Variants in MYH10 observed in about 807,000 individuals in gnomAD.
MYH10 encodes the protein myosin-10.
Under a neutral mutation model 257.8 loss-of-function variants are expected in MYH10, and 55 were observed. That is an observed-to-expected ratio of 0.21 (90% CI 0.17 to 0.27). MYH10 has a LOEUF of 0.27. Ranked by LOEUF, MYH10 falls within the 10% of genes least tolerant of loss-of-function variation. The pLI, the probability that MYH10 is intolerant of heterozygous loss-of-function variation, is 1.00. For synonymous variants in MYH10, 854 were observed against 921.7 expected (o/e 0.93, Z 1.33); for missense variants, 1,631 against 2,500.6 (o/e 0.65, Z 7.42).
intron 7 of MYH10, among the ~76,000 whole-genome samples, chr17:8,565,215 C>T (rs2083126572): frequency 6.6e-6 from 1 of 152,176 alleles, no homozygotes; most frequent in Admixed American, 6.5e-5. Flanking sequence ...TTAAGCTGCA[C>T]AGTGGCTGGC....
chr17:8,617,350 A>G (rs1262098780), intron 2 of MYH10, among the ~76,000 whole-genome samples: 1 of 152,174 alleles, frequency 6.6e-6, no homozygotes, highest in Non-Finnish European at 1.5e-5. Context: ...TTGAGGCAAC[A>G]GCTCTTTCCT....
chr17:8,588,662 C>T (rs2084005644), intron 4 of MYH10, among the ~76,000 whole-genome samples: 1 of 152,194 alleles, frequency 6.6e-6, no homozygotes, highest in African/African-American at 2.4e-5. Flanking sequence ...CACACTGCTG[C>T]CAAAGTAATC....
At chr17:8,511,043 T>C (rs916439085) in intron 24 of MYH10, 7 of 8,194 alleles carry the variant, frequency 8.5e-4, no homozygotes, top group Non-Finnish European at 4.6e-3. Context: ...TATATATATA[T>C]ATATATATAT....
intron 3 of MYH10, among the ~76,000 whole-genome samples, chr17:8,594,285 T>C (rs761518900): frequency 7.9e-5 from 12 of 152,118 alleles, no homozygotes; most frequent in African/African-American, 2.4e-4. Context: ...TTAAAAATGA[T>C]AGTAAGATTT....
At chr17:8,580,548 A>T (rs1438114014) in intron 4 of MYH10, among the ~76,000 whole-genome samples, 3 of 152,214 alleles carry the variant, frequency 2.0e-5, no homozygotes, top group Non-Finnish European at 4.4e-5. Context: ...AGTGCTTGAT[A>T]TAGACTGCTG....
chr17:8,500,804 C>A, intron 29 of MYH10, 22 bp downstream of exon 29: 1 of 1,608,402 alleles, frequency 6.2e-7, no homozygotes, highest in Middle Eastern at 2.1e-4. Flanking sequence ...CAGGCCACAG[C>A]ACACGGCAGG....
rs1289473585 is a variant in MYH10 at position 8,492,281 on chromosome 17, C to G, written c.4671+16G>C. 6.2e-7 allele frequency: 1 copy of G among 1,608,726 alleles called. No individual in the cohort carries two copies. Among genetic ancestry groups the G allele is most frequent in the Non-Finnish European group, 8.5e-7 (1 of 1,179,282 alleles). On this transcript the variant is annotated intron_variant, in intron 34 of 42. Transcript: ENST00000360416. ...ACTCTCCCGTGCGGAAGTGTGGAGCCCACCAGGCGACTTACGTTTTTTCCC... is the reference window on the plus strand; with the variant it reads ...ACTCTCCCGTGCGGAAGTGTGGAGCGCACCAGGCGACTTACGTTTTTTCCC...
At chr17:8,486,351 A>G (rs1301895609) in intron 36 of MYH10, among the ~76,000 whole-genome samples, 1 of 151,872 alleles carries the variant, frequency 6.6e-6, no homozygotes, top group African/African-American at 2.4e-5. Flanking sequence ...TAAAGCTGTT[A>G]AATAAAATCA....
At chr17:8,515,162 T>C (rs921580166) in intron 21 of MYH10, among the ~76,000 whole-genome samples, 2 of 152,300 alleles carry the variant, frequency 1.3e-5, no homozygotes, top group Admixed American at 1.3e-4. Flanking sequence ...CTAGAAATAA[T>C]CTGTAATTGT....
intron 28 of MYH10, among the ~76,000 whole-genome samples, chr17:8,501,260 G>A (rs1056226882): frequency 2.0e-5 from 3 of 152,004 alleles, no homozygotes; most frequent in African/African-American, 4.8e-5. Flanking sequence ...GCCACTGCAC[G>A]CCAGCCTGGG....
At chr17:8,618,093 C>T (rs7212920) in intron 2 of MYH10, among the ~76,000 whole-genome samples, 53,317 of 151,978 alleles carry the variant, frequency 0.35, 11,184 homozygotes, top group African/African-American at 0.6. Flanking sequence ...ATTCAGTCTA[C>T]TGTAATACGT....
At chr17:8,527,147 A>G (rs1394262259) in intron 17 of MYH10, among the ~76,000 whole-genome samples, 3 of 152,254 alleles carry the variant, frequency 2.0e-5, no homozygotes, top group African/African-American at 4.8e-5. Context: ...GTCTGTCTCC[A>G]TAATATCCCT....
At position 8,477,120 on chromosome 17, in the gene MYH10, G is replaced by C; in HGVS notation, c.5707-72C>G. The stretch of plus-strand genomic sequence containing the variant: ...GTGTCGGCCTCTCTGTACCCCGAGC[G>C]TGGCAGTGTGGGGCTCTGCCTGTTA... On this transcript the variant is annotated intron_variant, in intron 41 of 42. Transcript: ENST00000360416. This position sits in a 1 kb window ranked among gnomAD's most constrained non-coding sequence, Gnocchi z 4.2. 1 of 1,548,248 alleles carries C rather than the reference G, an allele frequency of 6.5e-7. No individual in the cohort carries two copies. Among genetic ancestry groups the C allele is most frequent in the Non-Finnish European group, 8.8e-7 (1 of 1,132,762 alleles).
At chr17:8,609,167 A>C (rs1480111600) in intron 2 of MYH10, among the ~76,000 whole-genome samples, 1 of 152,236 alleles carries the variant, frequency 6.6e-6, no homozygotes, top group Non-Finnish European at 1.5e-5. Flanking sequence ...AAGCAGGGCT[A>C]TGTATATGCA....
chr17:8,571,253 C>A (rs908103669), intron 6 of MYH10, among the ~76,000 whole-genome samples: 6 of 150,038 alleles, frequency 4.0e-5, no homozygotes, highest in Admixed American at 2.0e-4. Flanking sequence ...CGGCTCACTG[C>A]AAACTCCGTC....
At position 8,475,847 on chromosome 17, in the gene MYH10, TTAC is replaced by T; in HGVS notation, c.5978_5980del (p.Ser1993del). On this transcript the variant is annotated inframe_deletion, in exon 43 of 43. Transcript: ENST00000360416. ...CTGCGTCTCGTTGACATCACTGGTC[TTAC>T]TTTCTGTGTCATCGTCGGAGAGCTC... is the stretch of plus-strand genomic sequence containing the variant. The T allele has an allele frequency of 6.2e-7, 1 of 1,614,220 alleles. No homozygotes were observed. Among genetic ancestry groups the T allele is most frequent in the Non-Finnish European group, 8.5e-7 (1 of 1,180,044 alleles).
At chr17:8,595,336 C>G (rs1415684111) in intron 3 of MYH10, among the ~76,000 whole-genome samples, 1 of 151,706 alleles carries the variant, frequency 6.6e-6, no homozygotes, top group African/African-American at 2.4e-5. Flanking sequence ...TTAATCCCTT[C>G]AATCTGTGTG....
intron 2 of MYH10, among the ~76,000 whole-genome samples, chr17:8,619,562 A>G (rs2085389279): frequency 6.6e-6 from 1 of 152,150 alleles, no homozygotes; most frequent in Admixed American, 6.5e-5. Context: ...ATGTAATCCT[A>G]AGCCAACAAC....
At chr17:8,519,771 T>C (rs1421107879) in intron 19 of MYH10, among the ~76,000 whole-genome samples, 1 of 151,898 alleles carries the variant, frequency 6.6e-6, no homozygotes, top group Non-Finnish European at 1.5e-5. Context: ...ATTTATTTCA[T>C]GGAACAGCAA....
Sources: gnomAD v4.1 joint callset for allele counts (sites outside exome capture counted in the v4.1 genomes callset) on GRCh38, gnomAD v4.1.1 for gene constraint, Gnocchi (gnomAD v3.1) non-coding constraint, MANE v1.5 for transcripts, NCBI Gene and HGNC (gene_info 2026-07-23, HGNC 2026-07-21) for gene names.